The following IGF2BP2 variants were observed in gnomAD, a reference collection of about 807,000 sequenced individuals.
IGF2BP2 encodes insulin like growth factor 2 mRNA binding protein 2.
In IGF2BP2, 17 loss-of-function variants were observed where a neutral mutation model predicts 75.8. That is an observed-to-expected ratio of 0.22 (90% CI 0.15 to 0.34). The LOEUF (loss-of-function observed/expected upper bound fraction) is 0.34. IGF2BP2 is among the 10% of genes least tolerant of loss of function. The pLI is 1.00. For missense variants in IGF2BP2, 516 were observed against 772.4 expected (o/e 0.67, Z 3.93); for synonymous variants, 288 against 295.6 (o/e 0.97, Z 0.26).
At chr3:185,705,093 C>A (rs1217632741) in intron 2 of IGF2BP2, among the ~76,000 whole-genome samples, 2 of 152,148 alleles carry the variant, frequency 1.3e-5, no homozygotes, top group Non-Finnish European at 2.9e-5. Context: ...CTGTGGTGAC[C>A]TGCTGCAAAG....
intron 1 of IGF2BP2, among the ~76,000 whole-genome samples, chr3:185,824,579 G>A (rs1741791117): frequency 6.9e-6 from 1 of 145,898 alleles, no homozygotes; most frequent in African/African-American, 2.5e-5. Context: ...GAGGGCGAGG[G>A]CAGAGTCCAG....
At chr3:185,699,249 C>T (rs1722980260) in intron 2 of IGF2BP2, among the ~76,000 whole-genome samples, 1 of 152,110 alleles carries the variant, frequency 6.6e-6, no homozygotes, top group Non-Finnish European at 1.5e-5. Context: ...CAATTTCCTA[C>T]CAAAGTAGTT....
intron 2 of IGF2BP2, among the ~76,000 whole-genome samples, chr3:185,822,187 C>G (rs981412775): frequency 6.6e-6 from 1 of 152,136 alleles, no homozygotes; most frequent in African/African-American, 2.4e-5. Context: ...AAAATCTACT[C>G]AATCCTGACA....
chr3:185,748,059 G>A (rs1730491616), intron 2 of IGF2BP2, among the ~76,000 whole-genome samples: 1 of 151,976 alleles, frequency 6.6e-6, no homozygotes, highest in Admixed American at 6.6e-5. Flanking sequence ...GTTTCACTGT[G>A]TTAGCCAGGA....
intron 5 of IGF2BP2, among the ~76,000 whole-genome samples, chr3:185,692,344 C>CA (rs1187281610): frequency 3.9e-5 from 6 of 152,184 alleles, no homozygotes; most frequent in Non-Finnish European, 7.3e-5. Flanking sequence ...GTCTAGGAGA[C>CA]ACAGTGTCAC....
rs1008806074 is a variant in IGF2BP2 at position 185,647,584 on chromosome 3, G to C, written c.1594-446C>G. On this transcript the variant is annotated intron_variant, in intron 14 of 15. Transcript: ENST00000382199. This position sits in a 1 kb window ranked among gnomAD's most constrained non-coding sequence, Gnocchi z 4.9. ...ACTTTCCCTGCGAATCAGCCCTGCTGTTCCCTCCTCCTCGTTTTCACTCCT... is the reference window on the plus strand; with the variant it reads ...ACTTTCCCTGCGAATCAGCCCTGCTCTTCCCTCCTCCTCGTTTTCACTCCT... Among the ~76,000 whole-genome samples the C allele has an allele frequency of 5.9e-5, 9 of 152,144 alleles. No individual in the cohort carries two copies. Among genetic ancestry groups the C allele is most frequent in the Middle Eastern group, 3.4e-3 (1 of 294 alleles).
chr3:185,649,565 C>CA, intron 13 of IGF2BP2, 31 bp from the exon 14 acceptor site: 1 of 1,612,654 alleles, frequency 6.2e-7, no homozygotes. Context: ...TAATGACTCT[C>CA]AGTCAGCCAG....
chr3:185,773,827 G>A (rs1274047189), intron 2 of IGF2BP2, among the ~76,000 whole-genome samples: 1 of 152,148 alleles, frequency 6.6e-6, no homozygotes, highest in Non-Finnish European at 1.5e-5. Flanking sequence ...CTTGCAGTCT[G>A]AATACTCGTT....
chr3:185,729,077 T>A, intron 2 of IGF2BP2, among the ~76,000 whole-genome samples: 1 of 151,230 alleles, frequency 6.6e-6, no homozygotes, highest in East Asian at 1.9e-4. Flanking sequence ...CTTAAAACTG[T>A]CCTTGACAAA....
At chr3:185,751,120 CA>C (rs1467346792) in intron 2 of IGF2BP2, among the ~76,000 whole-genome samples, 2 of 152,174 alleles carry the variant, frequency 1.3e-5, no homozygotes, top group African/African-American at 4.8e-5. Flanking sequence ...GGCCAAGGCA[CA>C]AGAACCACTT....
intron 7 of IGF2BP2, among the ~76,000 whole-genome samples, 153 bp from the exon 8 acceptor site, chr3:185,676,066 C>T (rs905925868): frequency 3.3e-5 from 5 of 152,034 alleles, no homozygotes; most frequent in African/African-American, 1.2e-4. Context: ...CCTCACCGAC[C>T]CCAGTTCATG....
At chr3:185,674,878 C>G (rs896603586) in intron 9 of IGF2BP2, 4 of 153,388 alleles carry the variant, frequency 2.6e-5, no homozygotes, top group African/African-American at 7.2e-5. Context: ...GTTGCCCAGG[C>G]TGGAGTGCAG....
intron 2 of IGF2BP2, among the ~76,000 whole-genome samples, chr3:185,751,572 G>GAGAATTGCTTGAGGCAGC (rs1475975295): frequency 8.0e-5 from 12 of 150,282 alleles, no homozygotes; most frequent in African/African-American, 2.8e-4. Context: ...CTTGAGGCAG[G>GAGAATTGCTTGAGGCAGC]AGACGGAGGT....
intron 2 of IGF2BP2, among the ~76,000 whole-genome samples, chr3:185,819,779 A>T (rs1468593040): frequency 6.6e-6 from 1 of 152,080 alleles, no homozygotes; most frequent in Non-Finnish European, 1.5e-5. Flanking sequence ...AATAAAAGTC[A>T]TTTCTGTTTC....
At chr3:185,665,977 G>A (rs1180133276) in intron 10 of IGF2BP2, among the ~76,000 whole-genome samples, 1 of 148,946 alleles carries the variant, frequency 6.7e-6, no homozygotes, top group Non-Finnish European at 1.5e-5. Context: ...TAGATAGACA[G>A]ATAGATAGAT....
chr3:185,723,316 T>G (rs547882792), intron 2 of IGF2BP2, among the ~76,000 whole-genome samples: 1 of 152,160 alleles, frequency 6.6e-6, no homozygotes, highest in Non-Finnish European at 1.5e-5. Context: ...ACTGCTTGGG[T>G]CCACAGCAGC....
At chr3:185,769,829 C>CA (rs1733627413) in intron 2 of IGF2BP2, among the ~76,000 whole-genome samples, 4 of 86,602 alleles carry the variant, frequency 4.6e-5, no homozygotes, top group African/African-American at 1.1e-4. Context: ...GACCCTGTCT[C>CA]CAAAAAAAAA....
At chr3:185,793,906 C>T (rs543866084) in intron 2 of IGF2BP2, among the ~76,000 whole-genome samples, 32 of 150,624 alleles carry the variant, frequency 2.1e-4, no homozygotes, top group African/African-American at 5.6e-4. Flanking sequence ...ATTGAAGATA[C>T]TGATTGTGTT....
intron 7 of IGF2BP2, among the ~76,000 whole-genome samples, chr3:185,686,840 CGA>C (rs762212322): frequency 1.3e-5 from 2 of 151,870 alleles, no homozygotes; most frequent in Non-Finnish European, 2.9e-5. Flanking sequence ...TCAAAATCAC[CGA>C]GAGACATGCA....
Sources: gnomAD v4.1 joint callset for allele counts (sites outside exome capture counted in the v4.1 genomes callset) on GRCh38, gnomAD v4.1.1 for gene constraint, Gnocchi (gnomAD v3.1) non-coding constraint, MANE v1.5 for transcripts, NCBI Gene and HGNC (gene_info 2026-07-23, HGNC 2026-07-21) for gene names.